The following SLC35E3 variants were observed in gnomAD, a reference collection of about 807,000 sequenced individuals.
The protein encoded by SLC35E3 is bladder cancer-overexpressed gene 1 protein.
Under a neutral mutation model 30.8 loss-of-function variants are expected in SLC35E3, and 28 were observed. The observed-to-expected ratio is 0.91, with a 90% CI of 0.67 to 1.25. The LOEUF (loss-of-function observed/expected upper bound fraction) is 1.25. Ranked by LOEUF, SLC35E3 falls within the 50% of genes most tolerant of loss-of-function variation. SLC35E3 has a pLI of 0.00. For synonymous variants in SLC35E3, 146 were observed against 149.2 expected (o/e 0.98, Z 0.16); for missense variants, 365 against 375.4 (o/e 0.97, Z 0.23).
intron 3 of SLC35E3, among the ~76,000 whole-genome samples, chr12:68,754,433 G>A (rs1020394579): frequency 9.2e-5 from 14 of 152,010 alleles, no homozygotes; most frequent in Non-Finnish European, 1.8e-4. Context: ...AGAGGTGTGC[G>A]CCACCATGCC....
intron 3 of SLC35E3, among the ~76,000 whole-genome samples, chr12:68,753,522 A>G (rs1878883587): frequency 1.3e-5 from 2 of 152,054 alleles, no homozygotes; most frequent in South Asian, 4.1e-4. Flanking sequence ...CTATCACACT[A>G]AGGTAATTAC....
At chr12:68,752,279 T>A in intron 3 of SLC35E3, 89 bp downstream of exon 3, 1 of 1,175,734 alleles carries the variant, frequency 8.5e-7, no homozygotes, top group Non-Finnish European at 1.2e-6. Flanking sequence ...GAGCACTATG[T>A]CCGATCCATT....
In SLC35E3 at chr12:68,764,736, T is replaced by G; in HGVS notation, c.788T>G (p.Ile263Ser). 1 of 1,614,166 alleles carries G rather than the reference T, an allele frequency of 6.2e-7. No homozygotes were observed. Among genetic ancestry groups the G allele is most frequent in the Non-Finnish European group, 8.5e-7 (1 of 1,180,040 alleles). Residue 263 changes from isoleucine (I) to serine (S), a missense_variant, in exon 5 of 5, where the codon ATT (isoleucine) becomes AGT (serine). Transcript: ENST00000398004. ...YNMFGHFKFC[I>S]TLFGGYVLFK... is the part of the protein sequence containing the mutation. ...ATGTTCGGACACTTCAAGTTCTGCA[T>G]TACTTTATTCGGAGGATATGTTTTA...
At chr12:68,764,399 A>G (rs1481216291) in intron 4 of SLC35E3, among the ~76,000 whole-genome samples, 1 of 152,124 alleles carries the variant, frequency 6.6e-6, no homozygotes, top group Non-Finnish European at 1.5e-5. Flanking sequence ...AGTGATTCTC[A>G]TGCCTCAGGC....
At position 68,765,956 on chromosome 12, in the gene SLC35E3, C is replaced by T. The variant is rs1377367689; in HGVS notation, c.*1066C>T. ...CCAGTGTGAGATTTGTTATTTTGAT[C>T]AGAGTATTCAAATCAGAATTTAAAT... is the stretch of plus-strand genomic sequence containing the variant. On this transcript the variant is annotated 3_prime_UTR_variant, in exon 5 of 5. Coordinates refer to ENST00000398004, the MANE Select transcript of SLC35E3 (RefSeq NM_018656.5). 2 of 151,130 alleles carry T rather than the reference C, an allele frequency of 1.3e-5. No homozygotes were observed. The highest frequency in any genetic ancestry group is 4.9e-5 in the African/African-American group (2 of 41,042). The allele number at this position is 151,130 out of a possible 1,614,324, so 9.4% of individuals were successfully genotyped here.
intron 4 of SLC35E3, among the ~76,000 whole-genome samples, chr12:68,761,337 C>A (rs1378733212): frequency 6.6e-6 from 1 of 152,096 alleles, no homozygotes; most frequent in East Asian, 1.9e-4. Flanking sequence ...CCCTTGAGCC[C>A]AGGAGTTCGA....
At position 68,772,697 on chromosome 12, in the gene SLC35E3, C is replaced by T. The variant is rs1052007425; in HGVS notation, c.*7807C>T. Reference sequence around the variant, plus strand: ...CAAGCATGGATACTTATTTAACCAGCCAAGACTATGCATTTCTAAATATTT... The same window carrying T: ...CAAGCATGGATACTTATTTAACCAGTCAAGACTATGCATTTCTAAATATTT... On this transcript the variant is annotated 3_prime_UTR_variant, in exon 5 of 5. Transcript: ENST00000398004. 6.6e-6 allele frequency: 1 copy of T among 152,138 alleles called. No homozygotes were observed. Among genetic ancestry groups the T allele is most frequent in the Non-Finnish European group, 1.5e-5 (1 of 68,040 alleles). 9.4% of individuals were successfully genotyped at this position (152,138 alleles called of 1,614,324 possible).
intron 3 of SLC35E3, among the ~76,000 whole-genome samples, chr12:68,754,047 A>C (rs1330250923): frequency 6.6e-6 from 1 of 152,006 alleles, no homozygotes; most frequent in East Asian, 1.9e-4. Context: ...GGGTTTCACC[A>C]TCTTGGCCAG....
rs1441878340 is a variant in SLC35E3 at position 68,775,205 on chromosome 12, A to G, written c.*10315A>G. ...AAGAATGCCAATGAGCATTTGGGGT[A>G]AAAAGGGGCAAGAATGGAGGACCTG... On this transcript the variant is annotated 3_prime_UTR_variant, in exon 5 of 5. Coordinates refer to ENST00000398004, the MANE Select transcript of SLC35E3 (RefSeq NM_018656.5). 5 of 152,166 alleles carry G rather than the reference A, an allele frequency of 3.3e-5. No individual in the cohort carries two copies. Among genetic ancestry groups the G allele is most frequent in the African/African-American group, 1.2e-4 (5 of 41,440 alleles). 9.4% of individuals were successfully genotyped at this position (152,166 alleles called of 1,614,324 possible).
At position 68,770,023 on chromosome 12, in the gene SLC35E3, C is replaced by T. The variant is rs1307756828; in HGVS notation, c.*5133C>T. On this transcript the variant is annotated 3_prime_UTR_variant, in exon 5 of 5. Transcript: ENST00000398004. ...ACATAACAAAAGAATCTGGCCCAGG[C>T]TTGGCACTTGTGGAGGGAGTCCATG... The T allele has an allele frequency of 6.6e-6, 1 of 152,158 alleles. No individual in the cohort carries two copies. Among genetic ancestry groups the T allele is most frequent in the East Asian group, 1.9e-4 (1 of 5,202 alleles). 9.4% of individuals were successfully genotyped at this position (152,158 alleles called of 1,614,324 possible).
chr12:68,755,636 G>C (rs1029253552), intron 3 of SLC35E3, among the ~76,000 whole-genome samples: 2 of 152,184 alleles, frequency 1.3e-5, no homozygotes, highest in Admixed American at 6.5e-5. Context: ...GCCTCAGGAA[G>C]CTTACAGTCA....
Position 68,746,357 on chromosome 12 carries a change from G to C in SLC35E3, c.-21G>C. The C allele has an allele frequency of 6.5e-7, 1 of 1,542,668 alleles. No homozygotes were observed. The highest frequency in any genetic ancestry group is 1.4e-5 in the African/African-American group (1 of 72,988). On this transcript the variant is annotated 5_prime_UTR_variant, in exon 1 of 5. Transcript: ENST00000398004. ...CCCGGCGCCCCTTCCGAGGCTAGAC[G>C]GCCCCAGCTTCGCGGGGATCATGGC... is the stretch of plus-strand genomic sequence containing the variant.
chr12:68,748,655 T>C (rs1230179266), intron 2 of SLC35E3, among the ~76,000 whole-genome samples: 1 of 152,200 alleles, frequency 6.6e-6, no homozygotes, highest in Non-Finnish European at 1.5e-5. Context: ...ACTTACTTCA[T>C]TACCATAAAA....
chr12:68,769,760 G>T lies in SLC35E3; in HGVS notation c.*4870G>T, dbSNP rs1482166037. Reference sequence around the variant, plus strand: ...ACTGGATTATACCTGCTAATATCAGGAATATAATGATAATTGCATTCATTC... The same window carrying T: ...ACTGGATTATACCTGCTAATATCAGTAATATAATGATAATTGCATTCATTC... On this transcript the variant is annotated 3_prime_UTR_variant, in exon 5 of 5. Transcript: ENST00000398004. 1 of 152,152 alleles carries T rather than the reference G, an allele frequency of 6.6e-6. No individual in the cohort carries two copies. Among genetic ancestry groups the T allele is most frequent in the Non-Finnish European group, 1.5e-5 (1 of 68,030 alleles). The allele number at this position is 152,152 out of a possible 1,614,324, so 9.4% of individuals were successfully genotyped here. A position where few individuals can be genotyped will look rare whatever the true frequency, so the allele number is the denominator to read the frequency against.
At chr12:68,762,588 T>C (rs1264858143) in intron 4 of SLC35E3, among the ~76,000 whole-genome samples, 2 of 152,324 alleles carry the variant, frequency 1.3e-5, no homozygotes, top group African/African-American at 4.8e-5. Flanking sequence ...AAATACCACA[T>C]GTAGACTGCT....
chr12:68,775,183 A>T lies in SLC35E3; in HGVS notation c.*10293A>T, dbSNP rs1879707090. On this transcript the variant is annotated 3_prime_UTR_variant, in exon 5 of 5. Transcript: ENST00000398004. ...TTTAATTATTACTCGTAGCTGCAAG[A>T]ATGCCAATGAGCATTTGGGGTAAAA... 1 of 152,084 alleles carries T rather than the reference A, an allele frequency of 6.6e-6. No homozygotes were observed. The highest frequency in any genetic ancestry group is 2.4e-5 in the African/African-American group (1 of 41,394). 9.4% of individuals were successfully genotyped at this position (152,084 alleles called of 1,614,324 possible). A position where few individuals can be genotyped will look rare whatever the true frequency, so the allele number is the denominator to read the frequency against.
In SLC35E3 at chr12:68,764,738, A is replaced by T; in HGVS notation, c.790A>T (p.Thr264Ser). 1 of 1,614,090 alleles carries T rather than the reference A, an allele frequency of 6.2e-7. No homozygotes were observed. The highest frequency in any genetic ancestry group is 8.5e-7 in the Non-Finnish European group (1 of 1,180,012). The change falls in exon 5 of 5, where the codon ACT (threonine) becomes TCT (serine). Residue 264 changes from threonine to serine, a missense_variant. By Grantham distance (58) the Thr-to-Ser change is moderately conservative. Transcript: ENST00000398004. ...NMFGHFKFCI[T>S]LFGGYVLFKD... ...GTTCGGACACTTCAAGTTCTGCATT[A>T]CTTTATTCGGAGGATATGTTTTATT...
At chr12:68,761,588 C>T (rs967410253) in intron 4 of SLC35E3, among the ~76,000 whole-genome samples, 1 of 152,060 alleles carries the variant, frequency 6.6e-6, no homozygotes, top group African/African-American at 2.4e-5. Flanking sequence ...ATACCCTTTG[C>T]CCAGTTGTGA....
chr12:68,753,600 T>G (rs1319812379), intron 3 of SLC35E3, among the ~76,000 whole-genome samples: 4 of 152,136 alleles, frequency 2.6e-5, no homozygotes, highest in Non-Finnish European at 5.9e-5. Context: ...CACATGCATG[T>G]GTGTATAATT....
Sources: allele counts gnomAD v4.1 joint callset (sites outside exome capture counted in the v4.1 genomes callset), GRCh38; gene constraint gnomAD v4.1.1; transcripts MANE v1.5; gene names NCBI Gene and HGNC (gene_info 2026-07-23, HGNC 2026-07-21).